Variants in AKR1D1 observed in about 807,000 individuals in gnomAD.
AKR1D1 encodes the protein aldo-keto reductase family 1 member D1.
AKR1D1 carries 32 observed loss-of-function variants against 42.6 expected under a neutral mutation model. That is an observed-to-expected ratio of 0.75 (90% CI 0.57 to 1.01). The LOEUF (loss-of-function observed/expected upper bound fraction) is 1.01, where lower values mean the gene tolerates loss of function less well. AKR1D1 is among the 50% of genes least tolerant of loss of function. The pLI, the probability that AKR1D1 is intolerant of heterozygous loss-of-function variation, is 0.00. For missense variants in AKR1D1, 364 were observed against 402.2 expected, an observed-to-expected ratio of 0.91 and a Z score of 0.81; for synonymous variants, 123 against 135.5, an observed-to-expected ratio of 0.91 and a Z score of 0.64.
At chr7:138,084,448 G>A (rs139302819) in intron 1 of AKR1D1, among the ~76,000 whole-genome samples, 2,878 of 151,622 alleles carry the variant, frequency 0.019, 106 homozygotes, top group African/African-American at 0.066. Context: ...CAAACTCCTG[G>A]GCTCAAGCGA....
intron 8 of AKR1D1, among the ~76,000 whole-genome samples, chr7:138,116,293 A>G (rs1193448402): frequency 6.6e-6 from 1 of 152,162 alleles, no homozygotes; most frequent in East Asian, 1.9e-4. Context: ...CGTCAAGGGA[A>G]CAGAAAGGGG....
At chr7:138,091,452 T>G in intron 2 of AKR1D1, 1 of 346,138 alleles carries the variant, frequency 2.9e-6, no homozygotes, top group Non-Finnish European at 5.6e-6. Context: ...AGGCTCTGAG[T>G]GTCAAGAGTT....
intron 3 of AKR1D1, among the ~76,000 whole-genome samples, chr7:138,095,746 G>A (rs1045861846): frequency 7.0e-5 from 10 of 141,992 alleles, no homozygotes; most frequent in African/African-American, 2.4e-4. Context: ...GGCTGGTCTC[G>A]AACTCCTGAC....
intron 7 of AKR1D1, among the ~76,000 whole-genome samples, chr7:138,112,754 GGATA>G (rs1416683367): frequency 6.6e-6 from 1 of 150,442 alleles, no homozygotes; most frequent in African/African-American, 2.4e-5. Flanking sequence ...AAAAGTTAAA[GGATA>G]GAAAGATAAA....
chr7:138,109,477 G>C (rs748796609), intron 7 of AKR1D1, among the ~76,000 whole-genome samples: 29 of 152,004 alleles, frequency 1.9e-4, no homozygotes, highest in Non-Finnish European at 4.0e-4. Context: ...CTTCTATCAG[G>C]GTCTCTATCA....
intron 4 of AKR1D1, among the ~76,000 whole-genome samples, chr7:138,100,725 G>A (rs1794287449): frequency 2.6e-5 from 1 of 39,180 alleles, no homozygotes; most frequent in Non-Finnish European, 4.6e-5. Context: ...TTTTTTTTGA[G>A]GCGGAGTCTC....
At chr7:138,095,984 T>A (rs1358842069) in intron 3 of AKR1D1, among the ~76,000 whole-genome samples, 1 of 151,814 alleles carries the variant, frequency 6.6e-6, no homozygotes, top group Non-Finnish European at 1.5e-5. Flanking sequence ...GTGGATCACT[T>A]GAGCCTAGGA....
chr7:138,104,475 A>T (rs1431837524), intron 4 of AKR1D1, among the ~76,000 whole-genome samples: 2 of 152,128 alleles, frequency 1.3e-5, no homozygotes, highest in African/African-American at 4.8e-5. Context: ...AGGCAGGTGG[A>T]TCACCTGAGG....
At chr7:138,077,486 G>A (rs1802966161) in intron 1 of AKR1D1, among the ~76,000 whole-genome samples, 1 of 152,092 alleles carries the variant, frequency 6.6e-6, no homozygotes, top group Non-Finnish European at 1.5e-5. Flanking sequence ...GGGGATAATG[G>A]GAACTACAAT....
chr7:138,079,063 C>T (rs1011070531), intron 1 of AKR1D1, among the ~76,000 whole-genome samples: 9 of 152,252 alleles, frequency 5.9e-5, no homozygotes, highest in African/African-American at 1.4e-4. Context: ...AACTCCTGGG[C>T]TCAAGTGATC....
intron 8 of AKR1D1, among the ~76,000 whole-genome samples, chr7:138,115,024 CA>C (rs1182672527): frequency 1.3e-5 from 2 of 152,150 alleles, no homozygotes; most frequent in Non-Finnish European, 2.9e-5. Context: ...CACCACCACC[CA>C]ACCTCAAGAA....
At chr7:138,106,465 C>T in intron 5 of AKR1D1, 143 bp from the exon 6 acceptor site, 1 of 702,176 alleles carries the variant, frequency 1.4e-6, no homozygotes, top group South Asian at 1.5e-5. Flanking sequence ...TATGAAGGGA[C>T]AGACTAGGAC....
intron 1 of AKR1D1, among the ~76,000 whole-genome samples, chr7:138,084,516 C>G (rs548482867): frequency 6.6e-6 from 1 of 152,124 alleles, no homozygotes; most frequent in South Asian, 2.1e-4. Flanking sequence ...ACTGCGCCAG[C>G]ATAATCCAGC....
At chr7:138,105,185 C>A in intron 4 of AKR1D1, 122 bp from the exon 5 acceptor site, 3 of 1,394,008 alleles carry the variant, frequency 2.2e-6, no homozygotes, top group African/African-American at 2.9e-5. Flanking sequence ...CTTTTTTTCG[C>A]AAGATGCTTA....
intron 1 of AKR1D1, among the ~76,000 whole-genome samples, chr7:138,078,419 T>G (rs944753880): frequency 8.5e-5 from 13 of 152,112 alleles, no homozygotes; most frequent in Non-Finnish European, 1.3e-4. Flanking sequence ...ATAGCAAGAG[T>G]AGTTAAAACT....
At chr7:138,101,692 G>C (rs1794322253) in intron 4 of AKR1D1, among the ~76,000 whole-genome samples, 1 of 152,104 alleles carries the variant, frequency 6.6e-6, no homozygotes, top group South Asian at 2.1e-4. Flanking sequence ...TAAAAACAAT[G>C]CTAAACATTA....
chr7:138,081,301 A>G (rs993058023), intron 1 of AKR1D1, among the ~76,000 whole-genome samples: 1 of 152,036 alleles, frequency 6.6e-6, no homozygotes, highest in African/African-American at 2.4e-5. Context: ...TGGTGTTTCC[A>G]TATCAATAAA....
chr7:138,102,625 T>C (rs1794340550), intron 4 of AKR1D1, among the ~76,000 whole-genome samples: 1 of 152,184 alleles, frequency 6.6e-6, no homozygotes, highest in Admixed American at 6.5e-5. Flanking sequence ...ATACAACTAT[T>C]AGAATCATGA....
At chr7:138,088,561 A>G (rs767031207) in intron 1 of AKR1D1, 40 bp from the exon 2 acceptor site, 1 of 1,608,252 alleles carries the variant, frequency 6.2e-7, no homozygotes, top group Non-Finnish European at 8.5e-7. Flanking sequence ...AGGAAAGACC[A>G]TTTCTCTTTT....
Sources: gnomAD v4.1 joint callset for allele counts (sites outside exome capture counted in the v4.1 genomes callset) on GRCh38, gnomAD v4.1.1 for gene constraint, MANE v1.5 for transcripts, NCBI Gene and HGNC (gene_info 2026-07-23, HGNC 2026-07-21) for gene names.